Variants in IRAG2 observed in about 807,000 individuals in gnomAD.
The protein encoded by IRAG2 is inositol 1,4,5-triphosphate receptor associated 2, also known as lymphoid restricted membrane protein.
Under a neutral mutation model 69.9 loss-of-function variants are expected in IRAG2, and 45 were observed. The observed-to-expected ratio is 0.64, with a 90% CI of 0.51 to 0.83. The LOEUF (loss-of-function observed/expected upper bound fraction) is 0.83. IRAG2 is among the 40% of genes least tolerant of loss of function. The pLI is 0.00. For missense variants in IRAG2, 520 were observed against 587.0 expected (o/e 0.89, Z 1.18); for synonymous variants, 193 against 202.4 (o/e 0.95, Z 0.40).
At chr12:25,017,973 T>G (rs150260566) in intron 6 of IRAG2, among the ~76,000 whole-genome samples, 1 of 152,174 alleles carries the variant, frequency 6.6e-6, no homozygotes, top group Non-Finnish European at 1.5e-5. Flanking sequence ...CTTATTTCAC[T>G]TAGCATAATG....
chr12:25,098,796 C>T (rs1242873142), intron 15 of IRAG2, among the ~76,000 whole-genome samples: 2 of 152,208 alleles, frequency 1.3e-5, no homozygotes, highest in African/African-American at 4.8e-5. Flanking sequence ...AGTCTCCCTC[C>T]TCCCACGTTC....
At chr12:25,024,718 A>C (rs1944608545) in intron 8 of IRAG2, among the ~76,000 whole-genome samples, 1 of 152,234 alleles carries the variant, frequency 6.6e-6, no homozygotes, top group Admixed American at 6.5e-5. Flanking sequence ...GGAAAGGAAC[A>C]ATTAAAGTTT....
intron 3 of IRAG2, chr12:25,015,112 A>AAAAAG (rs1555125446): frequency 3.5e-4 from 127 of 360,962 alleles, no homozygotes; most frequent in East Asian, 9.2e-4. Context: ...AAAAAAAAAA[A>AAAAAG]GACAAAACTT....
chr12:25,082,896 T>A (rs1947322720), intron 9 of IRAG2, among the ~76,000 whole-genome samples: 1 of 152,228 alleles, frequency 6.6e-6, no homozygotes, highest in East Asian at 1.9e-4. Context: ...ATAAAGTACA[T>A]AAAAATAAAC....
intron 11 of IRAG2, among the ~76,000 whole-genome samples, chr12:25,088,526 A>G (rs1349845587): frequency 6.6e-6 from 1 of 152,168 alleles, no homozygotes; most frequent in Non-Finnish European, 1.5e-5. Context: ...CTCCATTGGG[A>G]TGGAATAGTG....
intron 7 of IRAG2, among the ~76,000 whole-genome samples, chr12:25,021,524 G>C (rs1944580990): frequency 6.6e-6 from 1 of 151,782 alleles, no homozygotes. Context: ...TGCTAAATAA[G>C]CACAGGCTTA....
At chr12:25,044,407 A>G (rs894463751) in intron 16 of IRAG2, among the ~76,000 whole-genome samples, 2 of 152,144 alleles carry the variant, frequency 1.3e-5, no homozygotes, top group African/African-American at 4.8e-5. Context: ...TGGCAGTAGT[A>G]AGTCCTTCCC....
chr12:25,060,990 AT>A (rs2139965046), intron 1 of IRAG2, among the ~76,000 whole-genome samples: 2 of 152,200 alleles, frequency 1.3e-5, no homozygotes, highest in East Asian at 3.9e-4. Context: ...TTAGCTTAAG[AT>A]TAGACAATTC....
At chr12:25,097,454 T>C (rs1948489554) in intron 15 of IRAG2, 1 of 153,264 alleles carries the variant, frequency 6.5e-6, no homozygotes, top group African/African-American at 2.4e-5. Context: ...AACCAATTCC[T>C]TGTATTCAAT....
intron 6 of IRAG2, among the ~76,000 whole-genome samples, chr12:25,018,558 T>A (rs1199388895): frequency 6.6e-6 from 1 of 152,162 alleles, no homozygotes; most frequent in Non-Finnish European, 1.5e-5. Flanking sequence ...CCTTGTCCAG[T>A]CCAGTCTCCA....
chr12:25,055,378 T>C (rs978682289), intron 1 of IRAG2, among the ~76,000 whole-genome samples: 4 of 152,266 alleles, frequency 2.6e-5, no homozygotes, highest in Non-Finnish European at 4.4e-5. Flanking sequence ...TTTTATTTCT[T>C]CTGCATCTAA....
intron 14 of IRAG2, among the ~76,000 whole-genome samples, chr12:25,092,381 C>T (rs1311457347): frequency 7.4e-6 from 1 of 135,730 alleles, no homozygotes; most frequent in Non-Finnish European, 1.6e-5. Flanking sequence ...GCCTGGGCAA[C>T]AAGAGTGAAA....
intron 8 of IRAG2, among the ~76,000 whole-genome samples, chr12:25,024,556 A>G (rs1944607966): frequency 6.6e-6 from 1 of 152,228 alleles, no homozygotes; most frequent in African/African-American, 2.4e-5. Context: ...TCCTTTTATA[A>G]TAGACACCAT....
chr12:25,002,649 C>CTTCTTT (rs1944400347), upstream of IRAG2, among the ~76,000 whole-genome samples: 11 of 145,532 alleles, frequency 7.6e-5, no homozygotes, highest in South Asian at 2.0e-3. Flanking sequence ...TTCTTCTTTT[C>CTTCTTT]TTTTTTTTTT....
At chr12:25,024,045 C>G in intron 8 of IRAG2, 1 of 447,664 alleles carries the variant, frequency 2.2e-6, no homozygotes, top group Non-Finnish European at 3.7e-6. Flanking sequence ...AGCAGGTTGA[C>G]TTGTCAAATT....
chr12:25,083,114 A>G (rs1947335932), intron 9 of IRAG2, among the ~76,000 whole-genome samples: 1 of 152,194 alleles, frequency 6.6e-6, no homozygotes, highest in Non-Finnish European at 1.5e-5. Flanking sequence ...TCCACTTTCT[A>G]TTATTGTACC....
At chr12:25,083,125 AGTCATGT>A in intron 9 of IRAG2, among the ~76,000 whole-genome samples, 1 of 152,342 alleles carries the variant, frequency 6.6e-6, no homozygotes. Context: ...TTATTGTACC[AGTCATGT>A]GTTCCATTAA....
rs747879342 is a variant in IRAG2 at position 25,079,699 on chromosome 12, C to T, written c.180C>T (p.Asp60=). The T allele has an allele frequency of 1.2e-6, 2 of 1,613,986 alleles. No homozygotes were observed. Among genetic ancestry groups the T allele is most frequent in the East Asian group, 2.2e-5 (1 of 44,862 alleles). ...EILNMASCDL[D]RNSLCKKEED... ...TGAATATGGCTTCTTGTGACCTTGA[C>T]AGAAACTCGCTCTGTAAGAAAGAGG... The change falls in exon 9 of 22, where the codon GAC becomes GAT. Residue 60 remains aspartate (D), a synonymous_variant. Transcript: ENST00000556887.
chr12:25,024,800 A>G (rs1944608994), intron 8 of IRAG2, among the ~76,000 whole-genome samples: 1 of 152,230 alleles, frequency 6.6e-6, no homozygotes, highest in Non-Finnish European at 1.5e-5. Flanking sequence ...CTAGTGATTT[A>G]CAATTAAACT....
Sources: allele counts gnomAD v4.1 joint callset (sites outside exome capture counted in the v4.1 genomes callset), GRCh38; gene constraint gnomAD v4.1.1; transcripts MANE v1.5; gene names NCBI Gene and HGNC (gene_info 2026-07-23, HGNC 2026-07-21).